TRMT11: variants seen among roughly 807,000 people sequenced by gnomAD.
TRMT11 encodes tRNA methyltransferase 11, also known as tRNA (guanine(10)-N(2))-methyltransferase TRMT11.
A neutral mutation model predicts 62.8 loss-of-function variants in TRMT11; 53 were observed. That is an observed-to-expected ratio of 0.84 (90% CI 0.68 to 1.06). TRMT11 has a LOEUF of 1.06. Ranked by LOEUF, TRMT11 falls within the 50% of genes least tolerant of loss-of-function variation. The pLI is 0.00. For synonymous variants in TRMT11, 188 were observed against 190.3 expected, an observed-to-expected ratio of 0.99 and a Z score of 0.10; for missense variants, 556 against 553.4, an observed-to-expected ratio of 1.00 and a Z score of -0.05.
At chr6:126,199,058 C>A (rs189330274) in intron 2 of TRMT11, among the ~76,000 whole-genome samples, 3 of 152,248 alleles carry the variant, frequency 2.0e-5, no homozygotes, top group Admixed American at 6.5e-5. Context: ...GGAGGAGGAA[C>A]AAAGAATGTT....
At chr6:126,065,092 T>C (rs1034746145) in intron 17 of TRMT11, among the ~76,000 whole-genome samples, 1 of 152,136 alleles carries the variant, frequency 6.6e-6, no homozygotes, top group African/African-American at 2.4e-5. Context: ...CCGGATAATA[T>C]CTCACTCACA....
chr6:126,005,440 ATAT>A (rs1793211600), intron 7 of TRMT11, among the ~76,000 whole-genome samples: 1 of 152,046 alleles, frequency 6.6e-6, no homozygotes, highest in African/African-American at 2.4e-5. Context: ...TAATACTAAT[ATAT>A]TGTGAGGATT....
intron 1 of TRMT11, among the ~76,000 whole-genome samples, chr6:126,189,660 T>C (rs555643018): frequency 6.6e-6 from 1 of 152,110 alleles, no homozygotes. Flanking sequence ...ATAGTACATG[T>C]CATTAGTTCT....
chr6:126,172,900 A>T (rs115230410), upstream of TRMT11, among the ~76,000 whole-genome samples: 5,426 of 152,296 alleles, frequency 0.036, 326 homozygotes, highest in African/African-American at 0.12. Context: ...AAATTTGCAC[A>T]GAAGGGAAGG....
intron 12 of TRMT11, among the ~76,000 whole-genome samples, chr6:126,036,920 G>T (rs759843487): frequency 3.9e-4 from 59 of 152,060 alleles, no homozygotes; most frequent in Non-Finnish European, 7.7e-4. Context: ...TTCTTTCAGG[G>T]TTTTGTTATC....
chr6:126,000,444 A>T (rs987070483), intron 7 of TRMT11, among the ~76,000 whole-genome samples: 1 of 152,148 alleles, frequency 6.6e-6, no homozygotes, highest in African/African-American at 2.4e-5. Context: ...TGATGCTACT[A>T]TCTAGTTTAA....
At chr6:126,075,687 C>A (rs1275028183) in intron 17 of TRMT11, among the ~76,000 whole-genome samples, 1 of 152,102 alleles carries the variant, frequency 6.6e-6, no homozygotes, top group Non-Finnish European at 1.5e-5. Context: ...TGGACTGATA[C>A]AGGCTGCTGA....
At chr6:126,044,905 G>T (rs572364897) in intron 16 of TRMT11, among the ~76,000 whole-genome samples, 1 of 152,108 alleles carries the variant, frequency 6.6e-6, no homozygotes, top group Non-Finnish European at 1.5e-5. Context: ...TGATTATCAG[G>T]CCAGGCACAG....
At chr6:126,199,062 G>T (rs1373034048) in intron 2 of TRMT11, among the ~76,000 whole-genome samples, 1 of 152,172 alleles carries the variant, frequency 6.6e-6, no homozygotes, top group African/African-American at 2.4e-5. Context: ...GAGGAACAAA[G>T]AATGTTTTTC....
chr6:126,231,566 C>T, the TRMT11 span, among the ~76,000 whole-genome samples: 1 of 152,152 alleles, frequency 6.6e-6, no homozygotes, highest in Non-Finnish European at 1.5e-5. Context: ...TGCAGATTTT[C>T]AACCGTGCAG....
chr6:126,252,428 C>A, the TRMT11 span, among the ~76,000 whole-genome samples: 1 of 152,188 alleles, frequency 6.6e-6, no homozygotes, highest in African/African-American at 2.4e-5. Context: ...TCTCTGAGTC[C>A]AAAGTGGATG....
At chr6:126,134,217 TA>T (rs1436874076) in intron 21 of TRMT11, among the ~76,000 whole-genome samples, 1 of 151,832 alleles carries the variant, frequency 6.6e-6, no homozygotes, top group African/African-American at 2.4e-5. Context: ...CTGAATGGAT[TA>T]AACAATAAGA....
At chr6:126,215,723 T>A in the TRMT11 span, among the ~76,000 whole-genome samples, 4 of 151,990 alleles carry the variant, frequency 2.6e-5, no homozygotes, top group African/African-American at 9.7e-5. Flanking sequence ...ATTTCTTGGT[T>A]TTTATTTTTT....
chr6:126,029,474 C>T (rs1480921176), intron 12 of TRMT11, among the ~76,000 whole-genome samples: 4 of 152,194 alleles, frequency 2.6e-5, no homozygotes, highest in African/African-American at 9.6e-5. Context: ...AATATTACCA[C>T]TATTGAATTC....
chr6:126,179,886 G>A (rs1487583812), intron 1 of TRMT11, among the ~76,000 whole-genome samples: 1 of 152,088 alleles, frequency 6.6e-6, no homozygotes, highest in Non-Finnish European at 1.5e-5. Context: ...AATTAGGGAA[G>A]AAAATTTAAA....
upstream of TRMT11, chr6:126,177,156 T>TA: frequency 6.6e-6 from 1 of 152,334 alleles, no homozygotes; most frequent in African/African-American, 2.4e-5. Context: ...ATCATTAAAG[T>TA]ATGAATACCA....
chr6:126,196,792 T>A (rs1778672209), intron 1 of TRMT11, among the ~76,000 whole-genome samples: 1 of 152,152 alleles, frequency 6.6e-6, no homozygotes, highest in Non-Finnish European at 1.5e-5. Context: ...TAAAAATTCA[T>A]GACAATGGGC....
chr6:126,157,583 A>C (rs967184039), intron 21 of TRMT11, among the ~76,000 whole-genome samples: 1 of 152,236 alleles, frequency 6.6e-6, no homozygotes, highest in Non-Finnish European at 1.5e-5. Context: ...AAGGAGAACT[A>C]TAGGAAAGTT....
chr6:126,056,137 C>T (rs1292458219), intron 17 of TRMT11, among the ~76,000 whole-genome samples: 2 of 152,122 alleles, frequency 1.3e-5, no homozygotes, highest in Non-Finnish European at 2.9e-5. Flanking sequence ...TCTTATTTCG[C>T]ACTGTTAACA....
Sources: gnomAD v4.1 joint callset for allele counts (sites outside exome capture counted in the v4.1 genomes callset) on GRCh38, gnomAD v4.1.1 for gene constraint, MANE v1.5 for transcripts, NCBI Gene and HGNC (gene_info 2026-07-23, HGNC 2026-07-21) for gene names.